TMC1: variants seen among roughly 807,000 people sequenced by gnomAD.
The protein encoded by TMC1 is transmembrane channel like 1.
In TMC1, 84 loss-of-function variants were observed where a neutral mutation model predicts 105.8. The ratio of observed to expected loss-of-function variants is 0.79; its 90% CI spans 0.67 to 0.95. TMC1 has a LOEUF of 0.95. TMC1 is among the 40% of genes least tolerant of loss of function. The pLI is 0.00. For missense variants in TMC1, 817 were observed against 914.1 expected (o/e 0.89, Z 1.37); for synonymous variants, 315 against 311.5 (o/e 1.01, Z -0.12).
chr9:72,547,168 T>C (rs148877460), intron 1 of TMC1, among the ~76,000 whole-genome samples: 56 of 151,628 alleles, frequency 3.7e-4, no homozygotes, highest in Non-Finnish European at 5.9e-4. Flanking sequence ...GCGCCTGTAA[T>C]CCCAGCTACT....
chr9:72,567,589 T>A (rs1377846500), intron 1 of TMC1, among the ~76,000 whole-genome samples: 5 of 152,144 alleles, frequency 3.3e-5, no homozygotes, highest in Non-Finnish European at 7.4e-5. Flanking sequence ...AAATGCCAGA[T>A]GCTTCTAAAA....
intron 12 of TMC1, among the ~76,000 whole-genome samples, chr9:72,755,919 C>T (rs1337774642): frequency 6.6e-6 from 1 of 152,204 alleles, no homozygotes; most frequent in East Asian, 1.9e-4. Flanking sequence ...ATCTAGTCCT[C>T]ATCCACTACA....
intron 5 of TMC1, among the ~76,000 whole-genome samples, chr9:72,678,726 A>G (rs1826243280): frequency 6.6e-6 from 1 of 151,972 alleles, no homozygotes; most frequent in African/African-American, 2.4e-5. Flanking sequence ...TTCACTCAGG[A>G]ATTAGTTGAC....
intron 5 of TMC1, among the ~76,000 whole-genome samples, chr9:72,677,844 C>T (rs976099400): frequency 2.0e-5 from 3 of 152,028 alleles, no homozygotes; most frequent in African/African-American, 4.8e-5. Flanking sequence ...GAGCATCTGC[C>T]GTGTTAACAC....
At chr9:72,678,296 C>G (rs941859366) in intron 5 of TMC1, among the ~76,000 whole-genome samples, 4 of 152,080 alleles carry the variant, frequency 2.6e-5, no homozygotes, top group Admixed American at 6.6e-5. Context: ...AGTCAGTCTC[C>G]TCAGGCACAG....
intron 7 of TMC1, among the ~76,000 whole-genome samples, chr9:72,699,007 T>C (rs983972069): frequency 6.6e-6 from 1 of 152,104 alleles, no homozygotes; most frequent in African/African-American, 2.4e-5. Context: ...TCAGAGTATA[T>C]ATTGACCCAG....
intron 1 of TMC1, among the ~76,000 whole-genome samples, chr9:72,572,082 C>T (rs997591254): frequency 1.1e-4 from 17 of 152,150 alleles, no homozygotes; most frequent in African/African-American, 3.9e-4. Flanking sequence ...GTGATCTGCC[C>T]GCCTGGGCCT....
chr9:72,746,372 T>A (rs1827490327), intron 10 of TMC1, among the ~76,000 whole-genome samples: 1 of 152,104 alleles, frequency 6.6e-6, no homozygotes, highest in Non-Finnish European at 1.5e-5. Flanking sequence ...TGATCTTACA[T>A]CCAAATGTGT....
intron 2 of TMC1, among the ~76,000 whole-genome samples, chr9:72,604,762 A>C (rs1824880446): frequency 6.6e-6 from 1 of 152,254 alleles, no homozygotes; most frequent in Non-Finnish European, 1.5e-5. Context: ...ATTCATCATC[A>C]GAACTTAAAA....
intron 2 of TMC1, among the ~76,000 whole-genome samples, chr9:72,591,703 T>TG (rs1824641459): frequency 6.6e-6 from 1 of 151,398 alleles, no homozygotes; most frequent in South Asian, 2.1e-4. Context: ...CCTGAGTAGC[T>TG]GGGACTACAG....
rs142081831 is a variant in TMC1, at chr9:72,537,946, A to G, written c.-428+16033A>G. Among the ~76,000 whole-genome samples the G allele has an allele frequency of 2.5e-3, 382 of 152,172 alleles. 4 individuals carry two copies. The highest frequency in any genetic ancestry group is 6.0e-4 in the Non-Finnish European group (41 of 68,004). On this transcript the variant is annotated intron_variant, in intron 1 of 23. Transcript: ENST00000297784. ...AGGTGGTCAGATTGCCACCTGGGCA[A>G]TCTGTTTGAGATCAGCCTGGGCAAC...
At chr9:72,718,325 G>C (rs1310017925) in intron 8 of TMC1, among the ~76,000 whole-genome samples, 2 of 152,056 alleles carry the variant, frequency 1.3e-5, no homozygotes, top group African/African-American at 4.8e-5. Context: ...CTTCTTATTT[G>C]GGTAGGCTAT....
chr9:72,570,675 C>CCTTTTT (rs2132089206), intron 1 of TMC1, among the ~76,000 whole-genome samples: 1 of 112,880 alleles, frequency 8.9e-6, no homozygotes, highest in South Asian at 2.8e-4. Context: ...TGCCAAATTT[C>CCTTTTT]CTTTTTTTTT....
chr9:72,596,069 G>A (rs558401086), intron 2 of TMC1, among the ~76,000 whole-genome samples: 1 of 152,088 alleles, frequency 6.6e-6, no homozygotes, highest in African/African-American at 2.4e-5. Flanking sequence ...TAAAGACAGG[G>A]TTTCACCATA....
chr9:72,582,939 G>A (rs965376345), intron 2 of TMC1, among the ~76,000 whole-genome samples: 5 of 152,084 alleles, frequency 3.3e-5, no homozygotes, highest in Admixed American at 3.3e-4. Context: ...AAACAGACAG[G>A]GCTGGGCGCA....
At chr9:72,594,595 C>T (rs925712105) in intron 2 of TMC1, among the ~76,000 whole-genome samples, 3 of 152,082 alleles carry the variant, frequency 2.0e-5, no homozygotes, top group African/African-American at 4.8e-5. Flanking sequence ...TGGCCTGTTT[C>T]GCTATGATAA....
At chr9:72,822,336 A>T (rs1193256308) in intron 20 of TMC1, among the ~76,000 whole-genome samples, 1 of 152,216 alleles carries the variant, frequency 6.6e-6, no homozygotes, top group Non-Finnish European at 1.5e-5. Context: ...TTATTTAATT[A>T]AAGTCAAAAG....
chr9:72,570,877 TG>T (rs1824270122), intron 1 of TMC1, among the ~76,000 whole-genome samples: 1 of 149,982 alleles, frequency 6.7e-6, no homozygotes, highest in African/African-American at 2.4e-5. Flanking sequence ...TTAGTAGAGA[TG>T]GGGTTTTGCC....
intron 4 of TMC1, among the ~76,000 whole-genome samples, chr9:72,632,343 A>G (rs913284739): frequency 6.6e-6 from 1 of 152,110 alleles, no homozygotes; most frequent in African/African-American, 2.4e-5. Context: ...CACTAGGCCC[A>G]CCTCCAACAT....
Sources: allele counts gnomAD v4.1 joint callset (sites outside exome capture counted in the v4.1 genomes callset), GRCh38; gene constraint gnomAD v4.1.1; transcripts MANE v1.5; gene names NCBI Gene and HGNC (gene_info 2026-07-23, HGNC 2026-07-21).